PCDH15: variants seen among roughly 807,000 people sequenced by gnomAD.
PCDH15 encodes protocadherin related 15, also known as protocadherin-15.
PCDH15 carries 129 observed loss-of-function variants against 178.5 expected under a neutral mutation model. That is an observed-to-expected ratio of 0.72 (90% CI 0.63 to 0.84). PCDH15 has a LOEUF of 0.84. Among genes scored for constraint, PCDH15 ranks in the 40% least tolerant of loss-of-function variants. PCDH15 has a pLI of 0.00. For synonymous variants in PCDH15, 800 were observed against 732.0 expected (o/e 1.09, Z -1.50); for missense variants, 2,230 against 2,099.9 (o/e 1.06, Z -1.21).
At chr10:54,238,863 T>G (rs149911405) in intron 8 of PCDH15, among the ~76,000 whole-genome samples, 1 of 152,082 alleles carries the variant, frequency 6.6e-6, no homozygotes, top group Admixed American at 6.6e-5. Context: ...AGGAATCTGA[T>G]TGCCATCAGC....
At chr10:55,185,953 T>C (rs1366557329) in intron 1 of PCDH15, among the ~76,000 whole-genome samples, 1 of 151,690 alleles carries the variant, frequency 6.6e-6, no homozygotes, top group African/African-American at 2.4e-5. Context: ...ATGAAAAAAA[T>C]AATACTGTTT....
intron 2 of PCDH15, among the ~76,000 whole-genome samples, chr10:54,582,591 T>C (rs1368143381): frequency 1.3e-5 from 2 of 152,114 alleles, no homozygotes; most frequent in Non-Finnish European, 2.9e-5. Context: ...AATATAAATG[T>C]ACACTAGATG....
intron 2 of PCDH15, among the ~76,000 whole-genome samples, chr10:55,601,873 AC>A (rs1355199960): frequency 6.6e-6 from 1 of 152,054 alleles, no homozygotes; most frequent in Admixed American, 6.6e-5. Context: ...ATACACACAC[AC>A]GGGGGGAGGA....
At chr10:54,883,010 A>G (rs1260895635) in intron 3 of PCDH15, among the ~76,000 whole-genome samples, 1 of 152,000 alleles carries the variant, frequency 6.6e-6, no homozygotes, top group Non-Finnish European at 1.5e-5. Context: ...AAGGAAAACC[A>G]TAGCAACCAA....
At chr10:54,352,230 T>C (rs1448294399) in intron 5 of PCDH15, among the ~76,000 whole-genome samples, 1 of 152,192 alleles carries the variant, frequency 6.6e-6, no homozygotes, top group Non-Finnish European at 1.5e-5. Flanking sequence ...TGCCTTCTGA[T>C]AGATTCTAAT....
intron 2 of PCDH15, among the ~76,000 whole-genome samples, chr10:54,948,045 G>T (rs1838235541): frequency 6.6e-6 from 1 of 151,858 alleles, no homozygotes; most frequent in Non-Finnish European, 1.5e-5. Flanking sequence ...TGTAGCATAT[G>T]CAAGTTGATT....
intron 2 of PCDH15, among the ~76,000 whole-genome samples, chr10:54,959,449 T>C (rs1564665083): frequency 1.3e-5 from 2 of 152,012 alleles, no homozygotes; most frequent in Non-Finnish European, 2.9e-5. Context: ...ATGTTACATC[T>C]ATTAATTTTG....
chr10:55,105,847 A>AT (rs1333655822), intron 2 of PCDH15, among the ~76,000 whole-genome samples: 2 of 152,030 alleles, frequency 1.3e-5, no homozygotes, highest in African/African-American at 4.8e-5. Context: ...TAAAAAAGTG[A>AT]TTTTTTCTTA....
At chr10:55,255,159 A>G (rs562562218) in intron 1 of PCDH15, among the ~76,000 whole-genome samples, 2 of 152,168 alleles carry the variant, frequency 1.3e-5, no homozygotes, top group East Asian at 1.9e-4. Flanking sequence ...GTGTCCATGT[A>G]TTCTCGTTGT....
intron 21 of PCDH15, among the ~76,000 whole-genome samples, chr10:53,984,333 G>T (rs1003139162): frequency 6.6e-6 from 1 of 151,610 alleles, no homozygotes; most frequent in Non-Finnish European, 1.5e-5. Context: ...GTATATTTTA[G>T]TAGAGACGGA....
intron 8 of PCDH15, among the ~76,000 whole-genome samples, chr10:54,261,281 A>T (rs544548823): frequency 1.3e-5 from 2 of 152,240 alleles, no homozygotes; most frequent in Non-Finnish European, 2.9e-5. Flanking sequence ...ACATTTTTAT[A>T]AAAAAGCTAT....
At chr10:55,011,123 C>T (rs1442875913) in intron 2 of PCDH15, among the ~76,000 whole-genome samples, 1 of 149,332 alleles carries the variant, frequency 6.7e-6, no homozygotes, top group African/African-American at 2.4e-5. Flanking sequence ...CACACACATA[C>T]ACGTGCATAC....
At chr10:55,223,658 A>G (rs1312230135) in intron 1 of PCDH15, among the ~76,000 whole-genome samples, 3 of 152,138 alleles carry the variant, frequency 2.0e-5, no homozygotes, top group Non-Finnish European at 4.4e-5. Flanking sequence ...CCCCCTCATT[A>G]AATTTACACA....
intron 1 of PCDH15, among the ~76,000 whole-genome samples, chr10:54,745,797 A>G (rs963154442): frequency 6.6e-6 from 1 of 152,236 alleles, no homozygotes; most frequent in Non-Finnish European, 1.5e-5. Flanking sequence ...ATAAGCCAGT[A>G]CATTTCTTTA....
intron 2 of PCDH15, among the ~76,000 whole-genome samples, chr10:55,483,937 T>A (rs1840241437): frequency 1.3e-5 from 2 of 151,790 alleles, no homozygotes; most frequent in African/African-American, 4.8e-5. Flanking sequence ...GATAAAGATG[T>A]GGTACAAATA....
chr10:53,967,938 C>T (rs903892116), intron 21 of PCDH15, among the ~76,000 whole-genome samples: 8 of 152,108 alleles, frequency 5.3e-5, no homozygotes, highest in Non-Finnish European at 1.0e-4. Context: ...CAGTCTACAG[C>T]TCCCAGCGTG....
intron 1 of PCDH15, among the ~76,000 whole-genome samples, chr10:54,686,859 A>C (rs1050295906): frequency 6.6e-6 from 1 of 152,172 alleles, no homozygotes; most frequent in African/African-American, 2.4e-5. Context: ...ATGGGAGAAA[A>C]TATTTGCAAA....
chr10:53,911,966 T>C (rs546095584), intron 25 of PCDH15, among the ~76,000 whole-genome samples: 1 of 152,304 alleles, frequency 6.6e-6, no homozygotes, highest in East Asian at 1.9e-4. Flanking sequence ...ATCATCCTGA[T>C]ACCAAAGCCT....
chr10:53,808,546 C>A, intron 37 of PCDH15: 1 of 1,439,550 alleles, frequency 6.9e-7, no homozygotes, highest in Non-Finnish European at 9.1e-7. Context: ...CATATATATT[C>A]ACTTTTCTGG....
Sources: gnomAD v4.1 joint callset for allele counts (sites outside exome capture counted in the v4.1 genomes callset) on GRCh38, gnomAD v4.1.1 for gene constraint, MANE v1.5 for transcripts, NCBI Gene and HGNC (gene_info 2026-07-23, HGNC 2026-07-21) for gene names.